PHLPP2: variants seen among roughly 807,000 people sequenced by gnomAD.
The protein encoded by PHLPP2 is PH domain and leucine rich repeat protein phosphatase 2.
Under a neutral mutation model 124.9 loss-of-function variants are expected in PHLPP2, and 66 were observed. The observed-to-expected ratio is 0.53, with a 90% CI of 0.43 to 0.65. The LOEUF is 0.65. Ranked by LOEUF, PHLPP2 falls within the 30% of genes least tolerant of loss-of-function variation. The probability of loss-of-function intolerance (pLI) is 0.00; values close to 1 mark genes in which losing one functional copy is unlikely to be tolerated. For synonymous variants in PHLPP2, 681 were observed against 624.7 expected (o/e 1.09, Z -1.34); for missense variants, 1,685 against 1,600.4 (o/e 1.05, Z -0.90).
chr16:71,677,802 G>T (rs2044961183), intron 8 of PHLPP2: 1 of 151,928 alleles, frequency 6.6e-6, no homozygotes, highest in South Asian at 2.1e-4. Flanking sequence ...CATTTTAATT[G>T]TAATACAATG....
chr16:71,693,796 T>G (rs1252730693), intron 3 of PHLPP2, among the ~76,000 whole-genome samples: 1 of 152,226 alleles, frequency 6.6e-6, no homozygotes. Flanking sequence ...AAATACAACT[T>G]CTTCACAAAG....
At position 71,655,234 on chromosome 16, in the gene PHLPP2, G is replaced by T; in HGVS notation, c.2585+6C>A. On this transcript the variant is annotated splice_donor_region_variant and intron_variant, in intron 17 of 18. Transcript: ENST00000568954. ...GAGTTAGGGATTTTTCAACCCACCT[G>T]CTTACCTGTGAGATACCAAGAAGGT... is the stretch of plus-strand genomic sequence containing the variant. The T allele has an allele frequency of 6.3e-7, 1 of 1,596,272 alleles. No individual in the cohort carries two copies. The highest frequency in any genetic ancestry group is 8.6e-7 in the Non-Finnish European group (1 of 1,164,056).
At chr16:71,681,277 C>T (rs1242737395) in intron 6 of PHLPP2, among the ~76,000 whole-genome samples, 2 of 152,100 alleles carry the variant, frequency 1.3e-5, no homozygotes, top group African/African-American at 2.4e-5. Flanking sequence ...GGTCATAGTA[C>T]TGTAGGGCTA....
intron 18 of PHLPP2, among the ~76,000 whole-genome samples, chr16:71,651,811 T>C (rs2044698647): frequency 2.0e-5 from 3 of 152,188 alleles, no homozygotes; most frequent in Admixed American, 6.5e-5. Context: ...TTTCAACAAA[T>C]GGTCCTGGAA....
At chr16:71,682,375 G>T (rs1215824482) in intron 5 of PHLPP2, among the ~76,000 whole-genome samples, 3 of 151,948 alleles carry the variant, frequency 2.0e-5, no homozygotes, top group Non-Finnish European at 4.4e-5. Flanking sequence ...TAGAGACGGG[G>T]TTTCACCATG....
chr16:71,676,578 C>G lies in PHLPP2; in HGVS notation c.1340G>C (p.Arg447Pro). The part of the protein sequence containing the change: ...GNKHITHVDL[R>P]DNRLTDLDLS... ...ATCCAAGTCAGTCAGTCGGTTGTCC[C>G]GCAGATCCACGTGGGTGATGTGTTT... Residue 447 changes from arginine to proline, a missense_variant, in exon 9 of 19, where the codon CGG becomes CCG. Arg to Pro is a moderately radical substitution (Grantham distance 103, BLOSUM62 -2). Coordinates refer to ENST00000568954, the MANE Select transcript of PHLPP2 (RefSeq NM_015020.3). 6.2e-7 allele frequency: 1 copy of G among 1,614,024 alleles called. No homozygotes were observed. The highest frequency in any genetic ancestry group is 8.5e-7 in the Non-Finnish European group (1 of 1,179,890).
chr16:71,688,568 A>T (rs1386225154), intron 4 of PHLPP2, among the ~76,000 whole-genome samples: 2 of 142,500 alleles, frequency 1.4e-5, no homozygotes, highest in Non-Finnish European at 3.0e-5. Flanking sequence ...CTGATGGTTG[A>T]GTTTGTGGAA....
chr16:71,697,700 A>G (rs1441179333), intron 3 of PHLPP2, among the ~76,000 whole-genome samples: 2 of 152,124 alleles, frequency 1.3e-5, no homozygotes, highest in African/African-American at 4.8e-5. Context: ...TCAGGCAGGG[A>G]GTTGTGCTAC....
intron 1 of PHLPP2, chr16:71,723,673 C>CG: frequency 5.8e-6 from 3 of 520,238 alleles, no homozygotes; most frequent in Non-Finnish European, 8.9e-6. Flanking sequence ...CTGCGCGGGG[C>CG]GGGGGCGGCA....
intron 15 of PHLPP2, 122 bp from the exon 16 acceptor site, chr16:71,656,803 T>G: frequency 1.7e-6 from 1 of 588,538 alleles, no homozygotes. Context: ...CAGGCTGGAG[T>G]GCAGTGGTGT....
At chr16:71,683,821 G>C (rs1471236423) in intron 5 of PHLPP2, among the ~76,000 whole-genome samples, 1 of 151,250 alleles carries the variant, frequency 6.6e-6, no homozygotes, top group African/African-American at 2.4e-5. Context: ...ACGGACTTTT[G>C]CTCTTGTTGC....
intron 17 of PHLPP2, 79 bp from the exon 18 acceptor site, chr16:71,653,100 T>A: frequency 0.011 from 118 of 11,016 alleles, no homozygotes; most frequent in East Asian, 0.12. Context: ...ACATCCCTTC[T>A]TTTTTTTTTT....
At chr16:71,676,391 G>A in intron 9 of PHLPP2, 56 bp downstream of exon 9, 1 of 1,419,944 alleles carries the variant, frequency 7.0e-7, no homozygotes, top group Non-Finnish European at 9.9e-7. Context: ...ACTGTTCTCA[G>A]AAAGCACTGA....
At chr16:71,723,901 G>A in intron 1 of PHLPP2, 1 of 899,972 alleles carries the variant, frequency 1.1e-6, no homozygotes, top group Non-Finnish European at 1.4e-6. Flanking sequence ...CGCCCGGCCC[G>A]CGCGACGGCG....
chr16:71,719,325 C>T (rs1354729837), intron 1 of PHLPP2, among the ~76,000 whole-genome samples: 1 of 152,072 alleles, frequency 6.6e-6, no homozygotes, highest in African/African-American at 2.4e-5. Flanking sequence ...CACCTGAGGT[C>T]AGGAGCTCGA....
chr16:71,695,712 GA>G (rs55695223), intron 3 of PHLPP2, among the ~76,000 whole-genome samples: 46,999 of 121,742 alleles, frequency 0.39, 8,186 homozygotes, highest in East Asian at 0.76. Context: ...CTCTGTCTCA[GA>G]AAAAAAAAAA....
At position 71,712,580 on chromosome 16, in the gene PHLPP2, T is replaced by C. The variant is rs186737620; in HGVS notation, c.284+1932A>G. On this transcript the variant is annotated intron_variant, in intron 2 of 18. Transcript: ENST00000568954. The stretch of plus-strand genomic sequence containing the variant: ...AGGCTTTCCACCTGATAAAATTAGA[T>C]CAGAATCAGTGTTAAGACTTAGAAA... 1.1e-3 allele frequency among the ~76,000 whole-genome samples: 163 copies of C among 152,286 alleles called. 1 individual carries two copies. Among genetic ancestry groups the C allele is most frequent in the Non-Finnish European group, 3.5e-4 (24 of 68,016 alleles).
chr16:71,679,469 G>A lies in PHLPP2; in HGVS notation c.957C>T (p.Cys319=), dbSNP rs755124192. ...TGAGCTCAGTCAGGGTAGAGATCTC[G>A]CATAACAATATAGGAAACAACCCAA... ...NKLGLFPILL[C]EISTLTELNL... Residue 319 remains cysteine (C), a synonymous_variant, in exon 7 of 19, where the codon TGC becomes TGT. Transcript: ENST00000568954. The A allele has an allele frequency of 1.5e-5, 25 of 1,613,030 alleles. No individual in the cohort carries two copies. The highest frequency in any genetic ancestry group is 8.8e-5 in the South Asian group (8 of 91,044).
intron 2 of PHLPP2, among the ~76,000 whole-genome samples, chr16:71,704,645 A>G (rs950286449): frequency 9.2e-5 from 14 of 152,016 alleles, no homozygotes; most frequent in Non-Finnish European, 1.6e-4. Flanking sequence ...ATGATCAAAG[A>G]AAAAAAAGCC....
Sources: gnomAD v4.1 joint callset for allele counts (sites outside exome capture counted in the v4.1 genomes callset) on GRCh38, gnomAD v4.1.1 for gene constraint, MANE v1.5 for transcripts, NCBI Gene and HGNC (gene_info 2026-07-23, HGNC 2026-07-21) for gene names.